The following UCN3 variants were observed in gnomAD, a reference collection of about 807,000 sequenced individuals.
The protein encoded by UCN3 is urocortin-3.
UCN3 carries 3 observed loss-of-function variants against 3.6 expected under a neutral mutation model. The observed-to-expected ratio is 0.83, with a 90% CI of 0.38 to 2.15. The LOEUF is 2.15. UCN3 is among the 30% of genes most tolerant of loss of function. The pLI, the probability that UCN3 is intolerant of heterozygous loss-of-function variation, is 0.06. For synonymous variants in UCN3, 100 were observed against 93.2 expected (o/e 1.07, Z -0.42); for missense variants, 206 against 208.3 (o/e 0.99, Z 0.07).
At position 5,370,826 on chromosome 10, in the gene UCN3, CGCGT is replaced by C. The variant is rs1411689556; in HGVS notation, c.-6-2887_-6-2884del. ...ATATGTGTGTGTGCGTGTGTGTGCG[CGCGT>C]GTGTGTGCGCGTGTGTGTGCGCGTG... On this transcript the variant is annotated intron_variant, in intron 1 of 1. Coordinates refer to ENST00000380433, the MANE Select transcript of UCN3 (RefSeq NM_053049.4). Among the ~76,000 whole-genome samples, 46 of 41,338 alleles carry C rather than the reference CGCGT, an allele frequency of 1.1e-3. 4 individuals carry two copies. In the East Asian group the frequency reaches 0.042, roughly 38 times the overall value. The allele number at this position is 41,338 out of a possible 152,430, so 27.1% of individuals were successfully genotyped here. A position where few individuals can be genotyped will look rare whatever the true frequency, so the allele number is the denominator to read the frequency against.
Position 5,368,214 on chromosome 10 carries a change from G to A in UCN3, c.-7+2984G>A, listed in dbSNP as rs1382482034. On this transcript the variant is annotated intron_variant, in intron 1 of 1. Coordinates refer to ENST00000380433, the MANE Select transcript of UCN3 (RefSeq NM_053049.4). ...AGACAGGGTTTCACTATGTTGGCCA[G>A]GCTGGTCTCAAACTCCTGACCTCAG... Among the ~76,000 whole-genome samples, 3 of 151,998 alleles carry A rather than the reference G, an allele frequency of 2.0e-5. No individual in the cohort carries two copies. The East Asian group carries it at 5.8e-4, about 29-fold the overall frequency.
At chr10:5,370,102 C>T (rs62636236) in intron 1 of UCN3, among the ~76,000 whole-genome samples, 19,854 of 33,132 alleles carry the variant, frequency 0.6, 5,823 homozygotes, top group East Asian at 0.74. Context: ...TGTGTATATG[C>T]GTGTGTATAT....
intron 1 of UCN3, among the ~76,000 whole-genome samples, chr10:5,373,389 G>A (rs534217152): frequency 6.6e-6 from 1 of 152,280 alleles, no homozygotes; most frequent in Admixed American, 6.5e-5. Context: ...GAGGCTGCCT[G>A]CAAAGCTGAA....
rs781918514 is a variant in UCN3, at chr10:5,373,908, G to C, written c.188G>C (p.Arg63Pro). The change falls in exon 2 of 2, where the codon CGC (arginine) becomes CCC (proline). Residue 63 changes from arginine (R) to proline (P), a missense_variant. Transcript: ENST00000380433. ...AGCAAGAGGAGCTTCCACTACCTGC[G>C]CAGCAGAGACGCCTCTTCGGGAGAG... Reference protein sequence around the residue: ...LLSKRSFHYLRSRDASSGEEE... With the variant: ...LLSKRSFHYLPSRDASSGEEE... The C allele has an allele frequency of 6.2e-6, 10 of 1,613,674 alleles. No homozygotes were observed. The highest frequency in any genetic ancestry group is 1.3e-5 in the African/African-American group (1 of 74,884).
At chr10:5,371,447 G>A (rs116194401) in intron 1 of UCN3, among the ~76,000 whole-genome samples, 1,733 of 152,246 alleles carry the variant, frequency 0.011, 26 homozygotes, top group South Asian at 0.051. Flanking sequence ...TCCTGTGTGT[G>A]TGTCTGTTTC....
Position 5,367,666 on chromosome 10 carries a change from TAGAC to T in UCN3, c.-7+2439_-7+2442del, listed in dbSNP as rs1443677747. On this transcript the variant is annotated intron_variant, in intron 1 of 1. Transcript: ENST00000380433. The surrounding 1 kb of genome is among the most constrained non-coding windows in gnomAD (Gnocchi z 4.3). ...CCAAAGTGTCTTTAAGGGGTGGAGATAGACAGGTAAACTCAAGTGTTGATTTACA... is the reference window on the plus strand; with the variant it reads ...CCAAAGTGTCTTTAAGGGGTGGAGATAGGTAAACTCAAGTGTTGATTTACA... Among the ~76,000 whole-genome samples the T allele has an allele frequency of 1.2e-4, 18 of 152,258 alleles. No homozygotes were observed. Among genetic ancestry groups the T allele is most frequent in the African/African-American group, 4.3e-4 (18 of 41,552 alleles).
chr10:5,373,555 A>C (rs1831457476), intron 1 of UCN3, among the ~76,000 whole-genome samples, 160 bp from the exon 2 acceptor site: 1 of 152,134 alleles, frequency 6.6e-6, no homozygotes, highest in African/African-American at 2.4e-5. Context: ...TTGCATTTCT[A>C]ACAAAGTCCC....
intron 1 of UCN3, among the ~76,000 whole-genome samples, chr10:5,372,648 C>G (rs782065932): frequency 1.3e-5 from 2 of 151,916 alleles, no homozygotes; most frequent in African/African-American, 4.8e-5. Context: ...CTCTGGAGCT[C>G]GAGCAATCCT....
intron 1 of UCN3, among the ~76,000 whole-genome samples, chr10:5,369,132 C>G (rs1009290698): frequency 2.6e-5 from 4 of 152,096 alleles, no homozygotes; most frequent in Non-Finnish European, 5.9e-5. Flanking sequence ...AAGGAGTCTG[C>G]ACAGGTCAGG....
intron 1 of UCN3, among the ~76,000 whole-genome samples, chr10:5,370,886 TGTGTATATGC>T (rs1554811435): frequency 2.7e-5 from 4 of 147,452 alleles, no homozygotes; most frequent in African/African-American, 1.0e-4. Context: ...TGTATATGCG[TGTGTATATGC>T]GTGTGTATAT....
chr10:5,370,528 T>C (rs62651869), intron 1 of UCN3, among the ~76,000 whole-genome samples: 22,103 of 78,116 alleles, frequency 0.28, 5,481 homozygotes, highest in African/African-American at 0.39. Flanking sequence ...TGTGTATGTG[T>C]GTGTGTATAT....
intron 1 of UCN3, among the ~76,000 whole-genome samples, chr10:5,371,151 GTA>G (rs1387940823): frequency 9.8e-5 from 14 of 142,338 alleles, no homozygotes; most frequent in East Asian, 4.3e-4. Flanking sequence ...ATGTGTGCAT[GTA>G]TATGTGTGTG....
At chr10:5,370,003 G>A (rs1290684190) in intron 1 of UCN3, among the ~76,000 whole-genome samples, 2 of 65,478 alleles carry the variant, frequency 3.1e-5, no homozygotes, top group African/African-American at 6.4e-5. Context: ...GTATGTGTGT[G>A]TGTATGTGTG....
At position 5,370,579 on chromosome 10, in the gene UCN3, A is replaced by ATGTGTGTATATG. The variant is rs1831376737; in HGVS notation, c.-6-3128_-6-3117dup. 5.3e-5 allele frequency among the ~76,000 whole-genome samples: 3 copies of ATGTGTGTATATG among 56,296 alleles called. 1 individual carries two copies. Among genetic ancestry groups the ATGTGTGTATATG allele is most frequent in the African/African-American group, 2.3e-4 (3 of 13,058 alleles). 36.9% of individuals were successfully genotyped at this position (56,296 alleles called of 152,430 possible). A position where few individuals can be genotyped will look rare whatever the true frequency, so the allele number is the denominator to read the frequency against. ...TATATGTGTGTGTATATGCGTGTAT[A>ATGTGTGTATATG]TGTGTGTATATGTGTGTGTGTATGC... On this transcript the variant is annotated intron_variant, in intron 1 of 1. Coordinates refer to ENST00000380433, the MANE Select transcript of UCN3 (RefSeq NM_053049.4).
In UCN3 at chr10:5,374,127, A is replaced by C; in HGVS notation, c.407A>C (p.Asn136Thr). The change falls in exon 2 of 2, where the codon AAC becomes ACC. Residue 136 changes from asparagine to threonine, a missense_variant. Coordinates refer to ENST00000380433, the MANE Select transcript of UCN3 (RefSeq NM_053049.4). ...VPTNIMNLLF[N>T]IAKAKNLRAQ... ...ACCAACATCATGAACCTCCTCTTCA[A>C]CATCGCCAAGGCCAAGAACCTGCGT... is the stretch of plus-strand genomic sequence containing the variant. 5 of 1,613,404 alleles carry C rather than the reference A, an allele frequency of 3.1e-6. No individual in the cohort carries two copies. Among genetic ancestry groups the C allele is most frequent in the Non-Finnish European group, 4.2e-6 (5 of 1,179,908 alleles).
Position 5,374,087 on chromosome 10 carries a change from T to A in UCN3, c.367T>A (p.Ser123Thr). 1 of 1,613,662 alleles carries A rather than the reference T, an allele frequency of 6.2e-7. No individual in the cohort carries two copies. Among genetic ancestry groups the A allele is most frequent in the Non-Finnish European group, 8.5e-7 (1 of 1,179,934 alleles). Residue 123 changes from serine to threonine, a missense_variant, in exon 2 of 2, where the codon TCC (serine) becomes ACC (threonine). Transcript: ENST00000380433. Reference protein sequence around the residue: ...KSPHRTKFTLSLDVPTNIMNL... With the variant: ...KSPHRTKFTLTLDVPTNIMNL... ...TCCCCACCGCACCAAGTTCACCCTG[T>A]CCCTCGACGTCCCCACCAACATCAT...
In UCN3 at chr10:5,370,134, TGTGTGTATGC is replaced by T. The variant is rs1381087030; in HGVS notation, c.-6-3572_-6-3563del. On this transcript the variant is annotated intron_variant, in intron 1 of 1. Transcript: ENST00000380433. ...ATATGTGTGTGTATGTGTGTGTATG[TGTGTGTATGC>T]GTGTGTATATGTGTGTGTATATGTG... 9.9e-5 allele frequency among the ~76,000 whole-genome samples: 9 copies of T among 91,036 alleles called. 2 individuals are homozygous for T. Among genetic ancestry groups the T allele is most frequent in the East Asian group, 8.1e-4 (2 of 2,468 alleles). The allele number at this position is 91,036 out of a possible 152,430, so 59.7% of individuals were successfully genotyped here.
chr10:5,374,246 G>A lies in UCN3; in HGVS notation c.*40G>A, dbSNP rs549302017. 264 of 533,092 alleles carry A rather than the reference G, an allele frequency of 5.0e-4. 2 individuals are homozygous for A. The highest frequency in any genetic ancestry group is 7.4e-4 in the Non-Finnish European group (224 of 301,018). 33.0% of individuals were successfully genotyped at this position (533,092 alleles called of 1,614,324 possible). On this transcript the variant is annotated 3_prime_UTR_variant, in exon 2 of 2. Transcript: ENST00000380433. ...CGGGAGGGCAGCGGGGTGGGGAGGG[G>A]GAGGGGAGGGGGAGGGGAGGGCGAG...
intron 1 of UCN3, among the ~76,000 whole-genome samples, chr10:5,370,286 CGTGT>C (rs1283369717): frequency 1.7e-4 from 3 of 17,614 alleles, no homozygotes; most frequent in Non-Finnish European, 3.1e-4. Context: ...TGTGTATATG[CGTGT>C]GTGTATGCGT....
Sources: gnomAD v4.1 joint callset for allele counts (sites outside exome capture counted in the v4.1 genomes callset) on GRCh38, gnomAD v4.1.1 for gene constraint, Gnocchi (gnomAD v3.1) non-coding constraint, MANE v1.5 for transcripts, NCBI Gene and HGNC (gene_info 2026-07-23, HGNC 2026-07-21) for gene names.